Variants in RANBP2 observed in about 807,000 individuals in gnomAD.
RANBP2 encodes E3 SUMO-protein ligase RanBP2.
Under a neutral mutation model 303.6 loss-of-function variants are expected in RANBP2, and 57 were observed. The ratio of observed to expected loss-of-function variants is 0.19; its 90% CI spans 0.15 to 0.23. The LOEUF is 0.23. RANBP2 is among the 10% of genes least tolerant of loss of function. The pLI, the probability that RANBP2 is intolerant of heterozygous loss-of-function variation, is 1.00. For missense variants in RANBP2, 3,138 were observed against 3,780.8 expected (o/e 0.83, Z 4.46); for synonymous variants, 1,167 against 1,301.5 (o/e 0.90, Z 2.23).
At chr2:109,542,402 G>A in the RANBP2 span, among the ~76,000 whole-genome samples, 34 of 152,314 alleles carry the variant, frequency 2.2e-4, no homozygotes, top group African/African-American at 7.7e-4. Context: ...GGTTTATTAC[G>A]TTCTTTTCAA....
the RANBP2 span, among the ~76,000 whole-genome samples, chr2:109,033,334 A>G: frequency 6.6e-6 from 1 of 152,092 alleles, no homozygotes; most frequent in East Asian, 1.9e-4. Flanking sequence ...CTCCTTTTTG[A>G]GTGTGCCCTC....
the RANBP2 span, chr2:109,129,867 C>G: frequency 7.0e-5 from 106 of 1,525,046 alleles, no homozygotes; most frequent in Admixed American, 1.6e-4. Flanking sequence ...ACGAACTGCC[C>G]GCCAACATCT....
chr2:109,389,430 C>A, the RANBP2 span, among the ~76,000 whole-genome samples: 1 of 152,186 alleles, frequency 6.6e-6, no homozygotes, highest in African/African-American at 2.4e-5. Context: ...GAGGGCATAC[C>A]GCATGAGTGT....
chr2:108,780,359 AT>A (rs869269194), intron 25 of RANBP2, among the ~76,000 whole-genome samples: 2,934 of 111,712 alleles, frequency 0.026, 117 homozygotes, highest in African/African-American at 0.091. Flanking sequence ...CGCCCGGCTA[AT>A]TTTTTTTTTT....
At chr2:108,994,821 TA>T in the RANBP2 span, among the ~76,000 whole-genome samples, 9,306 of 32,146 alleles carry the variant, frequency 0.29, 607 homozygotes, top group Non-Finnish European at 0.4. Context: ...TATATATATA[TA>T]TATATATCTT....
the RANBP2 span, among the ~76,000 whole-genome samples, chr2:109,589,713 T>A: frequency 6.6e-6 from 1 of 151,490 alleles, no homozygotes; most frequent in African/African-American, 2.4e-5. Context: ...TCCTATGAAG[T>A]TAAACACATA....
the RANBP2 span, among the ~76,000 whole-genome samples, chr2:109,110,614 G>A: frequency 6.6e-6 from 1 of 152,206 alleles, no homozygotes; most frequent in Non-Finnish European, 1.5e-5. Flanking sequence ...TCTTAGAGTT[G>A]TAGGCACCTT....
chr2:109,484,544 GC>G, the RANBP2 span, among the ~76,000 whole-genome samples: 283 of 152,130 alleles, frequency 1.9e-3, 2 homozygotes, highest in East Asian at 5.2e-3. Flanking sequence ...CTTGAGGCCC[GC>G]CCCCTCCTGT....
the RANBP2 span, chr2:109,616,145 C>T: frequency 7.1e-7 from 1 of 1,409,230 alleles, no homozygotes; most frequent in Non-Finnish European, 9.2e-7. Flanking sequence ...GAAGTGAGAC[C>T]AGAAGGACAA....
the RANBP2 span, among the ~76,000 whole-genome samples, chr2:109,066,719 G>C: frequency 6.6e-6 from 1 of 152,150 alleles, no homozygotes. Context: ...GTAGCAGATG[G>C]CTTCACTGGG....
the RANBP2 span, among the ~76,000 whole-genome samples, chr2:109,064,241 G>A: frequency 2.6e-5 from 4 of 152,090 alleles, no homozygotes; most frequent in Admixed American, 2.6e-4. Context: ...ATGCCGAGGT[G>A]GGCGGATCAC....
At chr2:109,004,224 A>C in the RANBP2 span, among the ~76,000 whole-genome samples, 1 of 152,154 alleles carries the variant, frequency 6.6e-6, no homozygotes, top group Non-Finnish European at 1.5e-5. Context: ...TGAAGGGATG[A>C]CCTTAGGACC....
the RANBP2 span, among the ~76,000 whole-genome samples, chr2:109,460,663 C>T: frequency 6.6e-6 from 1 of 152,226 alleles, no homozygotes; most frequent in East Asian, 1.9e-4. Flanking sequence ...AATTTCACCA[C>T]ATGTTTTCCC....
At chr2:108,844,129 G>C in the RANBP2 span, among the ~76,000 whole-genome samples, 1 of 151,832 alleles carries the variant, frequency 6.6e-6, no homozygotes, top group African/African-American at 2.4e-5. Context: ...CCAAAGTGCC[G>C]GGAGTGCAAC....
At chr2:108,994,830 C>CTT in the RANBP2 span, among the ~76,000 whole-genome samples, 31 of 5,576 alleles carry the variant, frequency 5.6e-3, no homozygotes, top group Middle Eastern at 0.062. Flanking sequence ...ATATATATAT[C>CTT]TTTTTTTTTT....
the RANBP2 span, among the ~76,000 whole-genome samples, chr2:109,644,064 T>TG: frequency 6.6e-6 from 1 of 151,062 alleles, no homozygotes; most frequent in Non-Finnish European, 1.5e-5. Flanking sequence ...GAGGTTTCAG[T>TG]GAGCTGAGAT....
chr2:109,159,495 C>G, the RANBP2 span, among the ~76,000 whole-genome samples: 5 of 152,202 alleles, frequency 3.3e-5, no homozygotes, highest in Admixed American at 2.6e-4. Flanking sequence ...AGTCAGCTTT[C>G]CTTGTTAATG....
At chr2:109,689,306 C>T in the RANBP2 span, among the ~76,000 whole-genome samples, 2,168 of 152,264 alleles carry the variant, frequency 0.014, 54 homozygotes, top group African/African-American at 0.049. Context: ...GAAAGACCCA[C>T]AACAGCATGC....
At chr2:109,174,450 G>A in the RANBP2 span, among the ~76,000 whole-genome samples, 1 of 152,190 alleles carries the variant, frequency 6.6e-6, no homozygotes, top group Non-Finnish European at 1.5e-5. Flanking sequence ...CCAGAGTGGT[G>A]CCCTGATCAG....
Sources: gnomAD v4.1 joint callset for allele counts (sites outside exome capture counted in the v4.1 genomes callset) on GRCh38, gnomAD v4.1.1 for gene constraint, MANE v1.5 for transcripts, NCBI Gene and HGNC (gene_info 2026-07-23, HGNC 2026-07-21) for gene names.